The following ALK variants were observed in gnomAD, a reference collection of about 807,000 sequenced individuals.
ALK encodes the protein ALK receptor tyrosine kinase, also known as ALK tyrosine kinase receptor.
Under a neutral mutation model 163.1 loss-of-function variants are expected in ALK, and 74 were observed. The ratio of observed to expected loss-of-function variants is 0.45; its 90% CI spans 0.38 to 0.55. The LOEUF (loss-of-function observed/expected upper bound fraction) is 0.55. Among genes scored for constraint, ALK ranks in the 20% least tolerant of loss-of-function variants. ALK has a pLI of 0.00. For missense variants in ALK, 2,063 were observed against 2,105.3 expected (o/e 0.98, Z 0.39); for synonymous variants, 960 against 843.2 (o/e 1.14, Z -2.40).
chr2:29,647,992 G>C (rs1676933683), intron 3 of ALK, among the ~76,000 whole-genome samples: 1 of 151,974 alleles, frequency 6.6e-6, no homozygotes, highest in African/African-American at 2.4e-5. Context: ...AAGTTATCAT[G>C]TTCATCTGTA....
intron 3 of ALK, among the ~76,000 whole-genome samples, chr2:29,596,495 C>G (rs968150756): frequency 6.6e-6 from 1 of 152,066 alleles, no homozygotes; most frequent in Non-Finnish European, 1.5e-5. Flanking sequence ...TGTCAGAAGA[C>G]TAGAAGGTGA....
chr2:29,214,159 T>G lies in ALK; in HGVS notation c.3646-78A>C, dbSNP rs375060579. ...GGAAATCTGAAATGCTGGCTTCCAG[T>G]GCTCACAAGGAGGCAGACCGTGAAC... On this transcript the variant is annotated intron_variant, in intron 23 of 28. Transcript: ENST00000389048. 17 of 1,267,476 alleles carry G rather than the reference T, an allele frequency of 1.3e-5. No homozygotes were observed. The African/African-American group carries it at 2.2e-4, about 16-fold the overall frequency. The allele number at this position is 1,267,476 out of a possible 1,614,324, so 78.5% of individuals were successfully genotyped here.
chr2:29,463,443 T>C (rs938784790), intron 4 of ALK, among the ~76,000 whole-genome samples: 3 of 152,298 alleles, frequency 2.0e-5, no homozygotes, highest in Middle Eastern at 3.4e-3. Flanking sequence ...CTTTGGCTCA[T>C]GAGGATTAAC....
intron 1 of ALK, among the ~76,000 whole-genome samples, chr2:29,907,851 G>C (rs1667591044): frequency 1.3e-5 from 2 of 151,936 alleles, no homozygotes; most frequent in Non-Finnish European, 2.9e-5. Context: ...TAGAATTATT[G>C]TCATGCCAAC....
At chr2:29,902,625 C>T (rs542852798) in intron 1 of ALK, among the ~76,000 whole-genome samples, 1 of 152,220 alleles carries the variant, frequency 6.6e-6, no homozygotes, top group South Asian at 2.1e-4. Context: ...ATCTCTTCTC[C>T]AAACTGAGAG....
At chr2:29,269,572 G>C (rs535616757) in intron 11 of ALK, among the ~76,000 whole-genome samples, 7 of 152,302 alleles carry the variant, frequency 4.6e-5, no homozygotes, top group African/African-American at 1.7e-4. Flanking sequence ...AACGTGCTGC[G>C]ATGACTGGGG....
chr2:29,862,496 T>G (rs1009229880), intron 1 of ALK, among the ~76,000 whole-genome samples: 6 of 152,242 alleles, frequency 3.9e-5, no homozygotes, highest in African/African-American at 1.4e-4. Flanking sequence ...TTCTATATAC[T>G]AATAATGAAC....
chr2:29,818,832 G>C (rs1050969719), intron 1 of ALK, among the ~76,000 whole-genome samples: 1 of 152,250 alleles, frequency 6.6e-6, no homozygotes, highest in Non-Finnish European at 1.5e-5. Flanking sequence ...CTGCACTCTA[G>C]CTGCATGTGA....
intron 1 of ALK, among the ~76,000 whole-genome samples, chr2:29,781,326 CA>C (rs1324042709): frequency 3.3e-5 from 5 of 152,158 alleles, no homozygotes; most frequent in African/African-American, 1.2e-4. Flanking sequence ...AGCTTTTACA[CA>C]AATCTCTGTA....
intron 3 of ALK, among the ~76,000 whole-genome samples, chr2:29,671,363 G>C (rs1367000874): frequency 6.6e-6 from 1 of 152,080 alleles, no homozygotes; most frequent in African/African-American, 2.4e-5. Context: ...GCATGATGCT[G>C]CTGAACAGCC....
chr2:29,812,668 A>G (rs1664788462), intron 1 of ALK, among the ~76,000 whole-genome samples: 1 of 152,236 alleles, frequency 6.6e-6, no homozygotes. Flanking sequence ...CCAGTGAAAC[A>G]TAAGAACCCC....
chr2:29,527,291 T>C (rs1368580828), intron 4 of ALK, among the ~76,000 whole-genome samples: 1 of 152,214 alleles, frequency 6.6e-6, no homozygotes, highest in Non-Finnish European at 1.5e-5. Context: ...GCTGGGATCT[T>C]TGGTCAGAAC....
intron 1 of ALK, among the ~76,000 whole-genome samples, chr2:29,861,227 G>C (rs1666283493): frequency 6.6e-6 from 1 of 152,096 alleles, no homozygotes. Context: ...ACTAACATCA[G>C]ATCTCAAGGA....
chr2:29,219,560 C>T (rs11681922), intron 23 of ALK, among the ~76,000 whole-genome samples: 30,566 of 152,116 alleles, frequency 0.2, 4,188 homozygotes, highest in Non-Finnish European at 0.29. Flanking sequence ...TACAGTGGTT[C>T]GTTGAGGAAG....
chr2:29,372,061 C>T (rs1668651391), intron 5 of ALK, among the ~76,000 whole-genome samples: 2 of 152,192 alleles, frequency 1.3e-5, no homozygotes, highest in Non-Finnish European at 2.9e-5. Context: ...AAATATTCCT[C>T]CACTCCAATC....
At chr2:29,591,288 A>C (rs1003455826) in intron 3 of ALK, among the ~76,000 whole-genome samples, 4 of 152,176 alleles carry the variant, frequency 2.6e-5, no homozygotes, top group African/African-American at 7.2e-5. Flanking sequence ...GACGAACTAA[A>C]TTCTTCATTC....
intron 4 of ALK, among the ~76,000 whole-genome samples, chr2:29,450,999 C>T (rs1022956253): frequency 6.6e-6 from 1 of 152,062 alleles, no homozygotes; most frequent in African/African-American, 2.4e-5. Flanking sequence ...TTTACAAAAC[C>T]CTGATTTGTG....
chr2:29,860,746 A>C (rs192171117), intron 1 of ALK, among the ~76,000 whole-genome samples: 41 of 152,356 alleles, frequency 2.7e-4, no homozygotes, highest in Non-Finnish European at 4.7e-4. Context: ...AAAACTCATA[A>C]ATATGCACAA....
At chr2:29,350,828 GC>G (rs1668091264) in intron 5 of ALK, among the ~76,000 whole-genome samples, 1 of 152,152 alleles carries the variant, frequency 6.6e-6, no homozygotes, top group African/African-American at 2.4e-5. Context: ...AGGTTGCAGA[GC>G]CAAATTTGAA....
Sources: allele counts gnomAD v4.1 joint callset (sites outside exome capture counted in the v4.1 genomes callset), GRCh38; gene constraint gnomAD v4.1.1; transcripts MANE v1.5; gene names NCBI Gene and HGNC (gene_info 2026-07-23, HGNC 2026-07-21).